Variants in HECW2 observed in about 807,000 individuals in gnomAD.
The protein encoded by HECW2 is HECT, C2 and WW domain containing E3 ubiquitin protein ligase 2.
A neutral mutation model predicts 175.2 loss-of-function variants in HECW2; 61 were observed. The ratio of observed to expected loss-of-function variants is 0.35; its 90% confidence interval spans 0.28 to 0.43. The LOEUF (loss-of-function observed/expected upper bound fraction) is 0.43, where lower values mean the gene tolerates loss of function less well. Among genes scored for constraint, HECW2 ranks in the 20% least tolerant of loss-of-function variants. HECW2 has a pLI of 1.00. For synonymous variants in HECW2, 671 were observed against 731.0 expected (o/e 0.92, Z 1.32); for missense variants, 1,524 against 2,000.5 (o/e 0.76, Z 4.54).
At chr2:196,281,190 T>C (rs1480154125) in intron 14 of HECW2, among the ~76,000 whole-genome samples, 2 of 152,210 alleles carry the variant, frequency 1.3e-5, no homozygotes, top group Non-Finnish European at 2.9e-5. Context: ...AGCCTTGCAG[T>C]AGTGACTGTA....
intron 1 of HECW2, among the ~76,000 whole-genome samples, chr2:196,564,942 T>G (rs1690127144): frequency 7.9e-6 from 1 of 126,232 alleles, no homozygotes; most frequent in South Asian, 2.8e-4. Flanking sequence ...GGTAATTTGT[T>G]TCTATGCTTT....
intron 16 of HECW2, among the ~76,000 whole-genome samples, chr2:196,272,364 C>T (rs1311437000): frequency 6.6e-6 from 1 of 152,098 alleles, no homozygotes; most frequent in Admixed American, 6.6e-5. Context: ...ATTAAGGATA[C>T]CGTTAATACT....
intron 1 of HECW2, among the ~76,000 whole-genome samples, chr2:196,498,152 A>G (rs190652523): frequency 6.6e-6 from 1 of 152,142 alleles, no homozygotes; most frequent in Non-Finnish European, 1.5e-5. Flanking sequence ...CAGTAAGGTA[A>G]AAGCATCTTG....
Position 196,319,816 on chromosome 2 carries a change from T to C in HECW2, c.1074A>G (p.Pro358=), listed in dbSNP as rs756792503. 5.6e-6 allele frequency: 9 copies of C among 1,614,108 alleles called. No homozygotes were observed. The highest frequency in any genetic ancestry group is 5.0e-5 in the Admixed American group (3 of 60,012). ...ACACCTGGCTGTCGTGATGGCTCCC[T>C]GGCATGTCCTCGTCATCGGAAGGGC... ...LGSPSDDEDM[P]GSHHDSQVCS... The change falls in exon 9 of 29, where the codon CCA becomes CCG. Residue 358 remains proline, a synonymous_variant. Coordinates refer to ENST00000644978, the MANE Select transcript of HECW2 (RefSeq NM_001348768.2).
At chr2:196,553,952 T>C (rs1559172960) in intron 1 of HECW2, among the ~76,000 whole-genome samples, 1 of 152,062 alleles carries the variant, frequency 6.6e-6, no homozygotes, top group Non-Finnish European at 1.5e-5. Context: ...TCAAACAAAA[T>C]AATACAGCCC....
chr2:196,249,936 T>C (rs1688794118), intron 19 of HECW2, among the ~76,000 whole-genome samples: 2 of 152,234 alleles, frequency 1.3e-5, no homozygotes. Context: ...TAAATGTAAG[T>C]TTCTAGAATG....
At chr2:196,537,054 A>G (rs996823772) in intron 1 of HECW2, among the ~76,000 whole-genome samples, 4 of 152,142 alleles carry the variant, frequency 2.6e-5, no homozygotes, top group Non-Finnish European at 4.4e-5. Flanking sequence ...GCCTAAAATC[A>G]TTTCCATCCT....
Position 196,306,550 on chromosome 2 carries a change from G to C in HECW2, c.2752C>G (p.Gln918Glu). Residue 918 changes from glutamine to glutamate, a missense_variant, in exon 13 of 29, where the codon CAG becomes GAG. This residue lies in a region of HECW2 where 105 missense variants were observed against 98.1 expected (regional missense o/e 1.07). Coordinates refer to ENST00000644978, the MANE Select transcript of HECW2 (RefSeq NM_001348768.2). ...ATGAGGAACTTCACGGGGGGAGACT[G>C]TAACAGCAACGTGATCCTGGATCTG... is the stretch of plus-strand genomic sequence containing the variant. Reference protein sequence around the residue: ...TSRSRITLLLQSPPVKFLISP... With the variant: ...TSRSRITLLLESPPVKFLISP... 1 of 1,612,906 alleles carries C rather than the reference G, an allele frequency of 6.2e-7. No individual in the cohort carries two copies. The highest frequency in any genetic ancestry group is 1.3e-5 in the African/African-American group (1 of 74,948).
In HECW2 at chr2:196,242,208, C is replaced by A; in HGVS notation, c.3530-4G>T. On this transcript the variant is annotated splice_region_variant and splice_polypyrimidine_tract_variant and intron_variant, in intron 19 of 28. Coordinates refer to ENST00000644978, the MANE Select transcript of HECW2 (RefSeq NM_001348768.2). ...CGGGCATTGGCACGCTGGGTACCTG[C>A]AGCAAACCACAAAGAGAGGACAATC... 6.2e-7 allele frequency: 1 copy of A among 1,614,114 alleles called. No homozygotes were observed. The highest frequency in any genetic ancestry group is 1.1e-5 in the South Asian group (1 of 91,070).
intron 3 of HECW2, among the ~76,000 whole-genome samples, chr2:196,341,485 C>G (rs1448510816): frequency 1.3e-5 from 2 of 152,212 alleles, no homozygotes; most frequent in Non-Finnish European, 2.9e-5. Context: ...GTCGTGCCAG[C>G]TGGGGCAATG....
At chr2:196,231,873 C>A (rs1688071668) in intron 21 of HECW2, among the ~76,000 whole-genome samples, 1 of 151,762 alleles carries the variant, frequency 6.6e-6, no homozygotes, top group East Asian at 1.9e-4. Flanking sequence ...CCTGTAGTCC[C>A]AGCTACTTGG....
intron 1 of HECW2, among the ~76,000 whole-genome samples, chr2:196,522,719 C>T (rs1414480344): frequency 3.3e-5 from 5 of 149,774 alleles, no homozygotes; most frequent in African/African-American, 1.2e-4. Flanking sequence ...TTCCCAGCAC[C>T]ATTTATTAAA....
intron 21 of HECW2, chr2:196,238,883 G>A (rs1407838451): frequency 1.3e-5 from 2 of 152,206 alleles, no homozygotes; most frequent in Non-Finnish European, 2.9e-5. Context: ...ATAAACGTCT[G>A]TTCTATTCAA....
intron 1 of HECW2, among the ~76,000 whole-genome samples, chr2:196,503,706 G>T (rs1687652061): frequency 6.6e-6 from 1 of 152,054 alleles, no homozygotes; most frequent in Admixed American, 6.5e-5. Context: ...GAAAAAACAA[G>T]AAAAAAGTGG....
intron 2 of HECW2, among the ~76,000 whole-genome samples, chr2:196,396,963 A>T (rs2125195026): frequency 6.6e-6 from 1 of 152,106 alleles, no homozygotes; most frequent in Middle Eastern, 3.4e-3. Flanking sequence ...TACAAAAAAA[A>T]ATAGCCAGGC....
chr2:196,487,132 G>A (rs1364444518), intron 1 of HECW2, among the ~76,000 whole-genome samples: 2 of 142,962 alleles, frequency 1.4e-5, no homozygotes, highest in Admixed American at 7.3e-5. Context: ...CTGAGCAACA[G>A]ATTGAGACTC....
At chr2:196,422,755 A>G (rs918428592) in intron 2 of HECW2, among the ~76,000 whole-genome samples, 1 of 152,166 alleles carries the variant, frequency 6.6e-6, no homozygotes, top group South Asian at 2.1e-4. Flanking sequence ...TTAAAATTTT[A>G]AAAATATGAC....
chr2:196,492,914 AG>A (rs1687252887), intron 1 of HECW2, among the ~76,000 whole-genome samples: 1 of 152,222 alleles, frequency 6.6e-6, no homozygotes, highest in Non-Finnish European at 1.5e-5. Flanking sequence ...GTGATGTTAG[AG>A]AACAGAGATG....
At chr2:196,215,030 T>A (rs1687422312) in intron 28 of HECW2, among the ~76,000 whole-genome samples, 1 of 152,242 alleles carries the variant, frequency 6.6e-6, no homozygotes, top group Non-Finnish European at 1.5e-5. Context: ...TTAGTAAAGT[T>A]AGAGGCAATT....
Sources: allele counts gnomAD v4.1 joint callset (sites outside exome capture counted in the v4.1 genomes callset), GRCh38; gene constraint gnomAD v4.1.1; regional missense constraint gnomAD v4.1.1; transcripts MANE v1.5; gene names NCBI Gene and HGNC (gene_info 2026-07-23, HGNC 2026-07-21).